CCDC178: variants seen among roughly 807,000 people sequenced by gnomAD.
CCDC178 encodes coiled-coil domain containing 178, also known as coiled-coil domain-containing protein 178.
A neutral mutation model predicts 117.4 loss-of-function variants in CCDC178; 126 were observed. The ratio of observed to expected loss-of-function variants is 1.07; its 90% CI spans 0.93 to 1.24. CCDC178 has a LOEUF of 1.24. Ranked by LOEUF, CCDC178 falls within the 50% of genes most tolerant of loss-of-function variation. The pLI, the probability that CCDC178 is intolerant of heterozygous loss-of-function variation, is 0.00. For missense variants in CCDC178, 1,030 were observed against 986.9 expected, an observed-to-expected ratio of 1.04 and a Z score of -0.59; for synonymous variants, 283 against 313.4, an observed-to-expected ratio of 0.90 and a Z score of 1.02.
chr18:33,006,401 T>C (rs908450004), intron 21 of CCDC178, among the ~76,000 whole-genome samples: 2 of 152,156 alleles, frequency 1.3e-5, no homozygotes, highest in Admixed American at 1.3e-4. Flanking sequence ...ATTTTTTTTC[T>C]AAATTTAAAC....
intron 2 of CCDC178, among the ~76,000 whole-genome samples, chr18:33,414,461 A>G (rs2063904341): frequency 6.6e-6 from 1 of 152,222 alleles, no homozygotes; most frequent in Non-Finnish European, 1.5e-5. Context: ...AGGATTCCCT[A>G]TTTAATAAAC....
At chr18:33,408,531 T>A (rs190300214) in intron 3 of CCDC178, among the ~76,000 whole-genome samples, 1 of 151,954 alleles carries the variant, frequency 6.6e-6, no homozygotes, top group Admixed American at 6.6e-5. Context: ...ATATGTAATA[T>A]ATAAAATTAA....
At chr18:33,282,802 C>A (rs1052329277) in intron 12 of CCDC178, among the ~76,000 whole-genome samples, 1 of 152,154 alleles carries the variant, frequency 6.6e-6, no homozygotes, top group Non-Finnish European at 1.5e-5. Context: ...CCTCGGAGGG[C>A]CCAGAGCCAG....
At chr18:33,394,879 C>T (rs1173312142) in intron 4 of CCDC178, among the ~76,000 whole-genome samples, 2 of 142,270 alleles carry the variant, frequency 1.4e-5, no homozygotes, top group Non-Finnish European at 3.0e-5. Context: ...CTTGGAATGG[C>T]AGGCTAGGTT....
chr18:33,038,718 G>A (rs2056490563), intron 21 of CCDC178, among the ~76,000 whole-genome samples: 1 of 151,974 alleles, frequency 6.6e-6, no homozygotes. Context: ...GTAGAATGAG[G>A]TTGTCTAAGA....
intron 21 of CCDC178, among the ~76,000 whole-genome samples, chr18:33,073,967 A>C (rs932530187): frequency 6.6e-6 from 1 of 152,066 alleles, no homozygotes; most frequent in African/African-American, 2.4e-5. Context: ...GAATATATAC[A>C]GCTCGAAGCA....
chr18:33,263,168 A>T (rs915558902), intron 14 of CCDC178, among the ~76,000 whole-genome samples: 1 of 152,206 alleles, frequency 6.6e-6, no homozygotes, highest in Non-Finnish European at 1.5e-5. Context: ...AAGTTAGCAC[A>T]GGTGTGTGAG....
chr18:33,124,999 C>A (rs1277585659), intron 20 of CCDC178, among the ~76,000 whole-genome samples: 1 of 152,122 alleles, frequency 6.6e-6, no homozygotes, highest in African/African-American at 2.4e-5. Context: ...TGCCCTCTTA[C>A]CTCCACCTGC....
At chr18:33,085,147 C>G (rs1474190268) in intron 21 of CCDC178, among the ~76,000 whole-genome samples, 1 of 152,118 alleles carries the variant, frequency 6.6e-6, no homozygotes, top group African/African-American at 2.4e-5. Context: ...TATAATCACA[C>G]TACAATTTGA....
chr18:33,149,666 C>G (rs944206915), intron 20 of CCDC178, among the ~76,000 whole-genome samples: 1 of 152,182 alleles, frequency 6.6e-6, no homozygotes, highest in Non-Finnish European at 1.5e-5. Flanking sequence ...TCCCTTCCCT[C>G]CTCCACCCAT....
chr18:33,319,652 C>G (rs921046023), intron 11 of CCDC178, among the ~76,000 whole-genome samples: 1 of 152,132 alleles, frequency 6.6e-6, no homozygotes, highest in African/African-American at 2.4e-5. Context: ...GTTTACAGTC[C>G]CACCAACAGT....
Position 33,397,228 on chromosome 18 carries a change from AC to A in CCDC178, c.59-21del. ...TTAAACCTATAAAAGGTAAAATAAAACAAAATAAAATATCTGCTTCCTGAGT... is the reference window on the plus strand; with the variant it reads ...TTAAACCTATAAAAGGTAAAATAAAAAAAATAAAATATCTGCTTCCTGAGT... On this transcript the variant is annotated intron_variant, in intron 3 of 22. Coordinates refer to ENST00000383096, the MANE Select transcript of CCDC178 (RefSeq NM_001105528.4). 1 of 1,531,810 alleles carries A rather than the reference AC, an allele frequency of 6.5e-7. No homozygotes were observed. The highest frequency in any genetic ancestry group is 9.0e-7 in the Non-Finnish European group (1 of 1,111,364). The allele number at this position is 1,531,810 out of a possible 1,614,324, so 94.9% of individuals were successfully genotyped here. A position where few individuals can be genotyped will look rare whatever the true frequency, so the allele number is the denominator to read the frequency against.
chr18:33,027,465 T>A (rs1465251095), intron 21 of CCDC178, among the ~76,000 whole-genome samples: 1 of 151,312 alleles, frequency 6.6e-6, no homozygotes, highest in African/African-American at 2.4e-5. Flanking sequence ...GAGACTTGAT[T>A]AAAAGAAAAA....
chr18:33,335,325 T>G (rs148079221), intron 9 of CCDC178, among the ~76,000 whole-genome samples: 114 of 152,194 alleles, frequency 7.5e-4, no homozygotes, highest in African/African-American at 2.6e-3. Flanking sequence ...TTAAATGAAA[T>G]ACTTCTAAAT....
intron 21 of CCDC178, among the ~76,000 whole-genome samples, chr18:33,061,142 C>T (rs991951356): frequency 6.6e-6 from 1 of 151,982 alleles, no homozygotes; most frequent in African/African-American, 2.4e-5. Flanking sequence ...TAATTTTTAA[C>T]CAACAGTTTT....
chr18:32,998,972 C>T (rs1377492765), intron 21 of CCDC178, among the ~76,000 whole-genome samples: 1 of 152,012 alleles, frequency 6.6e-6, no homozygotes, highest in Non-Finnish European at 1.5e-5. Context: ...GGAAAAGGGA[C>T]TTTGTCTCAC....
chr18:33,428,730 C>CAAAAAAAAAAAAAAAAA (rs35234261), intron 2 of CCDC178, among the ~76,000 whole-genome samples: 1 of 42,378 alleles, frequency 2.4e-5, no homozygotes, highest in African/African-American at 9.0e-5. Flanking sequence ...GACTCTGTCT[C>CAAAAAAAAAAAAAAAAA]AAAAAAAAAA....
intron 12 of CCDC178, among the ~76,000 whole-genome samples, chr18:33,279,469 A>G (rs971010175): frequency 6.6e-6 from 1 of 152,214 alleles, no homozygotes; most frequent in African/African-American, 2.4e-5. Context: ...AAACAAATGG[A>G]AGAACATTCC....
chr18:32,994,228 A>G (rs2055455166), intron 21 of CCDC178, among the ~76,000 whole-genome samples: 1 of 152,004 alleles, frequency 6.6e-6, no homozygotes, highest in South Asian at 2.1e-4. Flanking sequence ...TTTTCTCCAA[A>G]CTTACTGCCA....
Sources: allele counts gnomAD v4.1 joint callset (sites outside exome capture counted in the v4.1 genomes callset), GRCh38; gene constraint gnomAD v4.1.1; transcripts MANE v1.5; gene names NCBI Gene and HGNC (gene_info 2026-07-23, HGNC 2026-07-21).